SHB: variants seen among roughly 807,000 people sequenced by gnomAD.
SHB encodes the protein SH2 domain containing adaptor protein B, also known as SH2 domain-containing adapter protein B.
A neutral mutation model predicts 52.3 loss-of-function variants in SHB; 20 were observed. The observed-to-expected ratio is 0.38, with a 90% CI of 0.27 to 0.56. The LOEUF (loss-of-function observed/expected upper bound fraction) is 0.56. Ranked by LOEUF, SHB falls within the 20% of genes least tolerant of loss-of-function variation. SHB has a pLI of 0.71. For missense variants in SHB, 825 were observed against 723.3 expected, an observed-to-expected ratio of 1.14 and a Z score of -1.61; for synonymous variants, 397 against 316.5, an observed-to-expected ratio of 1.25 and a Z score of -2.70.
chr9:38,056,639 C>A (rs1403040923), intron 1 of SHB, among the ~76,000 whole-genome samples: 1 of 152,218 alleles, frequency 6.6e-6, no homozygotes, highest in Non-Finnish European at 1.5e-5. Flanking sequence ...CATGGGAAGA[C>A]TTTTCTCAGC....
chr9:37,940,810 C>T (rs928975977), intron 5 of SHB, among the ~76,000 whole-genome samples: 1 of 152,196 alleles, frequency 6.6e-6, no homozygotes, highest in Non-Finnish European at 1.5e-5. Flanking sequence ...GCTACCTTGA[C>T]TGGCTGCCAA....
At chr9:37,983,016 C>T (rs1272106391) in intron 2 of SHB, among the ~76,000 whole-genome samples, 1 of 149,552 alleles carries the variant, frequency 6.7e-6, no homozygotes, top group East Asian at 2.1e-4. Context: ...ATCCACCTGT[C>T]CTCCCAACCA....
chr9:38,007,466 C>T (rs565819284), intron 2 of SHB, among the ~76,000 whole-genome samples: 3 of 152,318 alleles, frequency 2.0e-5, no homozygotes, highest in East Asian at 3.9e-4. Context: ...CTGGTCAGAA[C>T]GCCCACCCAA....
rs1455189887 is a variant in SHB at position 38,068,493 on chromosome 9, G to A, written c.153C>T (p.Ala51=). Residue 51 remains alanine, a synonymous_variant, in exon 1 of 6, where the codon GCC becomes GCT. Coordinates refer to ENST00000377707, the MANE Select transcript of SHB (RefSeq NM_003028.3). Reference sequence around the variant, plus strand: ...CGGTGGCCGGACCGCAGGACGCCGAGGCGGCGGAGGAGGCCTGCGGCACGG... The same window carrying A: ...CGGTGGCCGGACCGCAGGACGCCGAAGCGGCGGAGGAGGCCTGCGGCACGG... ...PQAVPQASSA[A]SASCGPATAS... is the part of the protein sequence containing the mutation. 5.3e-6 allele frequency: 8 copies of A among 1,498,258 alleles called. No individual in the cohort carries two copies. Among genetic ancestry groups the A allele is most frequent in the Admixed American group, 4.3e-5 (2 of 46,416 alleles). 92.8% of individuals were successfully genotyped at this position (1,498,258 alleles called of 1,614,324 possible). A position where few individuals can be genotyped will look rare whatever the true frequency, so the allele number is the denominator to read the frequency against.
intron 2 of SHB, among the ~76,000 whole-genome samples, chr9:38,013,161 T>C (rs774309189): frequency 6.6e-6 from 1 of 152,074 alleles, no homozygotes; most frequent in Non-Finnish European, 1.5e-5. Context: ...GTGGGTAAAC[T>C]AGGGCACAGC....
chr9:37,982,973 G>GCCCA (rs1554702665), intron 2 of SHB, among the ~76,000 whole-genome samples: 15 of 145,206 alleles, frequency 1.0e-4, no homozygotes, highest in Admixed American at 1.4e-4. Context: ...CCTCTCTGGT[G>GCCCA]CCCCCCCCTC....
In SHB at chr9:38,069,198, C is replaced by A. The variant is rs1822026480; in HGVS notation, c.-553G>T. 6.7e-6 allele frequency: 1 copy of A among 149,824 alleles called. No homozygotes were observed. The highest frequency in any genetic ancestry group is 1.8e-4 in the South Asian group (1 of 5,448). 9.3% of individuals were successfully genotyped at this position (149,824 alleles called of 1,614,324 possible). On this transcript the variant is annotated 5_prime_UTR_variant, in exon 1 of 6. Transcript: ENST00000377707. ...GCCCGCCGGAGCCCGCGCGCCCGTG[C>A]CCGTCCCGGCGGCGCCTGTCGCTGC...
chr9:37,939,689 G>A (rs1832414439), intron 5 of SHB, among the ~76,000 whole-genome samples: 3 of 152,300 alleles, frequency 2.0e-5, no homozygotes, highest in South Asian at 2.1e-4. Context: ...CTGCTAGGGA[G>A]GAATGGGGGT....
intron 2 of SHB, among the ~76,000 whole-genome samples, chr9:37,980,751 T>A (rs895191612): frequency 2.6e-5 from 4 of 152,230 alleles, no homozygotes; most frequent in African/African-American, 9.6e-5. Flanking sequence ...AAAGTTGAGA[T>A]TACTCCTTGA....
In SHB at chr9:38,068,691, C is replaced by T. The variant is rs747781956; in HGVS notation, c.-46G>A. 6.6e-5 allele frequency: 83 copies of T among 1,248,872 alleles called. No homozygotes were observed. In the African/African-American group the frequency reaches 1.2e-3, roughly 19 times the overall value. The allele number at this position is 1,248,872 out of a possible 1,614,324, so 77.4% of individuals were successfully genotyped here. A position where few individuals can be genotyped will look rare whatever the true frequency, so the allele number is the denominator to read the frequency against. On this transcript the variant is annotated 5_prime_UTR_variant, in exon 1 of 6. Transcript: ENST00000377707. ...CGCGGCGCGGGAGCCCGGTCCGCCG[C>T]CGCGGCCATTCGGGGGGCAGCGCTG...
At chr9:37,995,647 C>T (rs1011313474) in intron 2 of SHB, among the ~76,000 whole-genome samples, 1 of 152,160 alleles carries the variant, frequency 6.6e-6, no homozygotes, top group East Asian at 1.9e-4. Context: ...CTTTCCTCAC[C>T]GTCAATGTCA....
chr9:37,992,128 C>T (rs940562145), intron 2 of SHB, among the ~76,000 whole-genome samples: 9 of 152,164 alleles, frequency 5.9e-5, no homozygotes, highest in Non-Finnish European at 1.0e-4. Context: ...CAGCCGGGCA[C>T]GGTGGCTCAC....
At chr9:38,014,297 C>T (rs536356283) in intron 2 of SHB, among the ~76,000 whole-genome samples, 3 of 152,368 alleles carry the variant, frequency 2.0e-5, no homozygotes, top group South Asian at 2.1e-4. Context: ...GGAGCCAACG[C>T]CTGCTGAATG....
At position 37,974,632 on chromosome 9, in the gene SHB, T is replaced by G; in HGVS notation, c.1044A>C (p.Pro348=). The G allele has an allele frequency of 6.2e-7, 1 of 1,612,828 alleles. No individual in the cohort carries two copies. The change falls in exon 3 of 6, where the codon CCA becomes CCC. Residue 348 remains proline, a synonymous_variant. Coordinates refer to ENST00000377707, the MANE Select transcript of SHB (RefSeq NM_003028.3). ...QPWEWNRVTI[P]ALAAQFNGNE... is the part of the protein sequence containing the mutation. ...GTCAGGGCTCCTTACCTGCCAGGGC[T>G]GGGATGGTGACCCGGTTCCACTCCC...
intron 3 of SHB, among the ~76,000 whole-genome samples, chr9:37,962,451 A>C (rs1832702286): frequency 6.6e-6 from 1 of 152,142 alleles, no homozygotes; most frequent in South Asian, 2.1e-4. Context: ...AAGGAAACTC[A>C]GGAGCTGGAC....
intron 1 of SHB, among the ~76,000 whole-genome samples, chr9:38,027,552 C>T (rs567879482): frequency 2.0e-5 from 3 of 151,648 alleles, no homozygotes; most frequent in South Asian, 2.1e-4. Context: ...AGACACTTAC[C>T]GGGGACAGGG....
intron 5 of SHB, among the ~76,000 whole-genome samples, chr9:37,927,028 G>GC (rs1832258232): frequency 6.6e-6 from 1 of 152,220 alleles, no homozygotes; most frequent in Admixed American, 6.5e-5. Context: ...GGCATTATAT[G>GC]CAAGATACCC....
chr9:37,929,541 G>C (rs1832289648), intron 5 of SHB, among the ~76,000 whole-genome samples: 1 of 152,174 alleles, frequency 6.6e-6, no homozygotes, highest in Non-Finnish European at 1.5e-5. Context: ...GTGCTGTCTG[G>C]GCTGAGCACT....
intron 4 of SHB, among the ~76,000 whole-genome samples, chr9:37,949,392 C>CAAAAAAAA (rs771495216): frequency 2.0e-5 from 1 of 50,250 alleles, no homozygotes; most frequent in Non-Finnish European, 4.3e-5. Context: ...GACTCCATCT[C>CAAAAAAAA]AAAAAAAAAA....
Sources: gnomAD v4.1 joint callset for allele counts (sites outside exome capture counted in the v4.1 genomes callset) on GRCh38, gnomAD v4.1.1 for gene constraint, MANE v1.5 for transcripts, NCBI Gene and HGNC (gene_info 2026-07-23, HGNC 2026-07-21) for gene names.